Variants in ADAMTS18 observed in about 807,000 individuals in gnomAD.
The protein encoded by ADAMTS18 is A disintegrin and metalloproteinase with thrombospondin motifs 18.
Under a neutral mutation model 165.9 loss-of-function variants are expected in ADAMTS18, and 157 were observed. The ratio of observed to expected loss-of-function variants is 0.95; its 90% CI spans 0.83 to 1.08. The LOEUF (loss-of-function observed/expected upper bound fraction) is 1.08. Ranked by LOEUF, ADAMTS18 falls within the 50% of genes least tolerant of loss-of-function variation. The pLI, the probability that ADAMTS18 is intolerant of heterozygous loss-of-function variation, is 0.00. For missense variants in ADAMTS18, 2,040 were observed against 1,534.0 expected (o/e 1.33, Z -5.51); for synonymous variants, 782 against 578.2 (o/e 1.35, Z -5.06).
At chr16:77,413,686 T>C (rs1035521201) in intron 3 of ADAMTS18, among the ~76,000 whole-genome samples, 3 of 151,202 alleles carry the variant, frequency 2.0e-5, no homozygotes, top group Admixed American at 6.6e-5. Flanking sequence ...TTATTTAGTA[T>C]ACTTAAATAT....
chr16:77,396,827 GAC>G (rs973171891), intron 3 of ADAMTS18, among the ~76,000 whole-genome samples: 11 of 146,636 alleles, frequency 7.5e-5, no homozygotes, highest in African/African-American at 2.5e-4. Context: ...AATTTTTTGA[GAC>G]ACAGTCTCAC....
At chr16:77,300,916 A>C (rs773377648) in intron 16 of ADAMTS18, among the ~76,000 whole-genome samples, 1 of 152,192 alleles carries the variant, frequency 6.6e-6, no homozygotes, top group Non-Finnish European at 1.5e-5. Flanking sequence ...AAACACTCCA[A>C]AACCCACAGA....
intron 3 of ADAMTS18, among the ~76,000 whole-genome samples, chr16:77,369,252 T>G (rs919358389): frequency 2.0e-5 from 3 of 152,250 alleles, no homozygotes; most frequent in African/African-American, 7.2e-5. Flanking sequence ...TAGTCTAAGC[T>G]AAAGATTTGT....
chr16:77,375,259 G>T (rs1184906817), intron 3 of ADAMTS18, among the ~76,000 whole-genome samples: 1 of 151,990 alleles, frequency 6.6e-6, no homozygotes, highest in Non-Finnish European at 1.5e-5. Context: ...TGACCTCAGG[G>T]GATCCGCCCA....
rs1250206853 is a variant in ADAMTS18 at position 77,282,869 on chromosome 16, A to AT, written c.*1086dup. 9.1e-5 allele frequency: 12 copies of AT among 131,850 alleles called. No individual in the cohort carries two copies. Among genetic ancestry groups the AT allele is most frequent in the East Asian group, 2.3e-4 (1 of 4,290 alleles). 8.2% of individuals were successfully genotyped at this position (131,850 alleles called of 1,614,324 possible). A position where few individuals can be genotyped will look rare whatever the true frequency, so the allele number is the denominator to read the frequency against. On this transcript the variant is annotated 3_prime_UTR_variant, in exon 23 of 23. Coordinates refer to ENST00000282849, the MANE Select transcript of ADAMTS18 (RefSeq NM_199355.4). ...ATTAACATAGCAAGAAGACAGATGG[A>AT]TTTTTTTATTACCACTGTTTACTCC...
intron 16 of ADAMTS18, among the ~76,000 whole-genome samples, chr16:77,309,956 C>CT (rs1208358667): frequency 6.6e-6 from 1 of 152,156 alleles, no homozygotes; most frequent in Non-Finnish European, 1.5e-5. Flanking sequence ...AATTTCATTA[C>CT]TTTAAATGCT....
rs573589595 is a variant in ADAMTS18, at chr16:77,356,744, A to G, written c.1323-667T>C. Among the ~76,000 whole-genome samples the G allele has an allele frequency of 7.2e-4, 109 of 152,306 alleles. 1 individual carries two copies. Among genetic ancestry groups the G allele is most frequent in the African/African-American group, 2.5e-3 (103 of 41,582 alleles). On this transcript the variant is annotated intron_variant, in intron 8 of 22. Transcript: ENST00000282849. ...AATTTGTTTCATCACAGAAGGGTCT[A>G]GTAATTATAGAAGAAAAACTTTAGG...
At chr16:77,400,776 G>A (rs757907130) in intron 3 of ADAMTS18, among the ~76,000 whole-genome samples, 6 of 151,840 alleles carry the variant, frequency 4.0e-5, no homozygotes, top group Non-Finnish European at 8.8e-5. Context: ...GCCTCTCTGT[G>A]GTTCTTAAGA....
At chr16:77,334,687 A>C in intron 12 of ADAMTS18, among the ~76,000 whole-genome samples, 1 of 103,874 alleles carries the variant, frequency 9.6e-6, no homozygotes, top group South Asian at 2.7e-4. Context: ...TATAGTATAT[A>C]TATATAGTAT....
At chr16:77,388,636 T>A (rs917844308) in intron 3 of ADAMTS18, among the ~76,000 whole-genome samples, 10 of 152,290 alleles carry the variant, frequency 6.6e-5, no homozygotes, top group Non-Finnish European at 1.2e-4. Flanking sequence ...GGCATAAATA[T>A]ATATAAATCA....
chr16:77,332,821 T>A (rs1222712468), intron 12 of ADAMTS18, among the ~76,000 whole-genome samples: 1 of 152,234 alleles, frequency 6.6e-6, no homozygotes, highest in Non-Finnish European at 1.5e-5. Context: ...TTTGACTAGT[T>A]GTCACAGTGG....
Position 77,283,849 on chromosome 16 carries a change from C to G in ADAMTS18, c.*107G>C. ...GCAGGCTCCTTCATCACAGCGGCAG[C>G]TCACAGATGGTTCTCGGTGCTCAGC... On this transcript the variant is annotated 3_prime_UTR_variant, in exon 23 of 23. Transcript: ENST00000282849. 1 of 864,246 alleles carries G rather than the reference C, an allele frequency of 1.2e-6. No individual in the cohort carries two copies. Among genetic ancestry groups the G allele is most frequent in the Non-Finnish European group, 1.9e-6 (1 of 514,546 alleles). 53.5% of individuals were successfully genotyped at this position (864,246 alleles called of 1,614,324 possible). A position where few individuals can be genotyped will look rare whatever the true frequency, so the allele number is the denominator to read the frequency against.
At chr16:77,415,532 C>T (rs754497283) in intron 3 of ADAMTS18, among the ~76,000 whole-genome samples, 3 of 152,028 alleles carry the variant, frequency 2.0e-5, no homozygotes, top group Non-Finnish European at 4.4e-5. Context: ...TTTTTATTGG[C>T]ACCGATCTTG....
rs547992432 is a variant in ADAMTS18 at position 77,316,471 on chromosome 16, G to C, written c.2532+3378C>G. 2.6e-5 allele frequency among the ~76,000 whole-genome samples: 4 copies of C among 152,036 alleles called. No individual in the cohort carries two copies. In the East Asian group the frequency reaches 7.8e-4, roughly 30 times the overall value. Reference sequence around the variant, plus strand: ...AGGTTTCACCATATTGGCCAGGATGGTGTAAACCACCCTCTTCCTTGACAT... The same window carrying C: ...AGGTTTCACCATATTGGCCAGGATGCTGTAAACCACCCTCTTCCTTGACAT... On this transcript the variant is annotated intron_variant, in intron 16 of 22. Coordinates refer to ENST00000282849, the MANE Select transcript of ADAMTS18 (RefSeq NM_199355.4).
intron 3 of ADAMTS18, among the ~76,000 whole-genome samples, chr16:77,424,917 A>C (rs1172144743): frequency 1.3e-5 from 2 of 152,172 alleles, no homozygotes; most frequent in Admixed American, 1.3e-4. Flanking sequence ...AGCTGAGCCT[A>C]GTTTCTTTCT....
At chr16:77,401,158 G>C (rs1233785336) in intron 3 of ADAMTS18, among the ~76,000 whole-genome samples, 1 of 152,054 alleles carries the variant, frequency 6.6e-6, no homozygotes, top group African/African-American at 2.4e-5. Flanking sequence ...AGGAGTCTGA[G>C]GCAGGAGAAT....
chr16:77,353,015 G>A (rs1423554516), intron 10 of ADAMTS18, among the ~76,000 whole-genome samples: 2 of 152,090 alleles, frequency 1.3e-5, no homozygotes, highest in African/African-American at 2.4e-5. Flanking sequence ...GGGAGGCGGA[G>A]CTTGCAGTGA....
chr16:77,434,887 C>T lies in ADAMTS18; in HGVS notation c.-192G>A. On this transcript the variant is annotated 5_prime_UTR_variant, in exon 1 of 23. Transcript: ENST00000282849. ...TCCGGCCGCCTGCGCGCCCTCCCTT[C>T]TCCCGGCGCGGGCCTGCCGAGCTGC... is the stretch of plus-strand genomic sequence containing the variant. The T allele has an allele frequency of 9.2e-6, 4 of 435,556 alleles. No individual in the cohort carries two copies. Among genetic ancestry groups the T allele is most frequent in the South Asian group, 6.2e-5 (1 of 16,070 alleles). 27.0% of individuals were successfully genotyped at this position (435,556 alleles called of 1,614,324 possible). A position where few individuals can be genotyped will look rare whatever the true frequency, so the allele number is the denominator to read the frequency against.
rs1450712657 is a variant in ADAMTS18, at chr16:77,282,887, TTTAC to T, written c.*1065_*1068del. ...CAGATGGATTTTTTTATTACCACTG[TTTAC>T]TCCTTTCTTTCTCTCTTTTTTTTTT... is the stretch of plus-strand genomic sequence containing the variant. On this transcript the variant is annotated 3_prime_UTR_variant, in exon 23 of 23. Coordinates refer to ENST00000282849, the MANE Select transcript of ADAMTS18 (RefSeq NM_199355.4). 1.4e-5 allele frequency: 2 copies of T among 146,912 alleles called. No individual in the cohort carries two copies. The highest frequency in any genetic ancestry group is 1.4e-4 in the Admixed American group (2 of 14,166). 9.1% of individuals were successfully genotyped at this position (146,912 alleles called of 1,614,324 possible).
Sources: allele counts gnomAD v4.1 joint callset (sites outside exome capture counted in the v4.1 genomes callset), GRCh38; gene constraint gnomAD v4.1.1; transcripts MANE v1.5; gene names NCBI Gene and HGNC (gene_info 2026-07-23, HGNC 2026-07-21).